Variants in PID1 observed in about 807,000 individuals in gnomAD.
PID1 encodes the protein PTB-containing, cubilin and LRP1-interacting protein.
Under a neutral mutation model 19.1 loss-of-function variants are expected in PID1, and 10 were observed. That is an observed-to-expected ratio of 0.52 (90% CI 0.32 to 0.89). The LOEUF (loss-of-function observed/expected upper bound fraction) is 0.89, where lower values mean the gene tolerates loss of function less well. Among genes scored for constraint, PID1 ranks in the 40% least tolerant of loss-of-function variants. PID1 has a pLI of 0.03. For synonymous variants in PID1, 130 were observed against 116.0 expected (o/e 1.12, Z -0.78); for missense variants, 248 against 285.3 (o/e 0.87, Z 0.94).
intron 1 of PID1, among the ~76,000 whole-genome samples, chr2:229,251,944 T>TAAAAAA (rs11284650): frequency 1.1e-3 from 80 of 71,346 alleles, no homozygotes; most frequent in African/African-American, 1.6e-3. Flanking sequence ...AACCATAAGC[T>TAAAAAA]AAAAAAAAAA....
intron 1 of PID1, among the ~76,000 whole-genome samples, chr2:229,188,641 A>G (rs1691185337): frequency 6.6e-6 from 1 of 152,028 alleles, no homozygotes; most frequent in East Asian, 1.9e-4. Flanking sequence ...TGGGAGGCTG[A>G]AGCAGGAGAA....
chr2:229,135,201 G>A (rs889922340), intron 2 of PID1, among the ~76,000 whole-genome samples: 3 of 152,040 alleles, frequency 2.0e-5, no homozygotes, highest in African/African-American at 7.2e-5. Flanking sequence ...CTTTTCTCTT[G>A]GGTTTTGCAT....
intron 2 of PID1, among the ~76,000 whole-genome samples, chr2:229,046,965 GGC>G (rs1186868765): frequency 6.6e-6 from 1 of 152,096 alleles, no homozygotes; most frequent in Non-Finnish European, 1.5e-5. Flanking sequence ...CAAATAATGT[GGC>G]AAGATCTCCT....
intron 1 of PID1, among the ~76,000 whole-genome samples, chr2:229,183,370 T>G (rs1441914079): frequency 1.3e-5 from 2 of 152,222 alleles, no homozygotes; most frequent in African/African-American, 4.8e-5. Context: ...GCCCTCATGA[T>G]AGTTAACTTA....
At chr2:229,204,645 C>T (rs1467968848) in intron 1 of PID1, among the ~76,000 whole-genome samples, 2 of 152,034 alleles carry the variant, frequency 1.3e-5, no homozygotes, top group Non-Finnish European at 2.9e-5. Flanking sequence ...GTCACACAGG[C>T]TTTGATCCTG....
At chr2:229,057,155 T>G (rs778624889) in intron 2 of PID1, among the ~76,000 whole-genome samples, 1 of 151,994 alleles carries the variant, frequency 6.6e-6, no homozygotes, top group Non-Finnish European at 1.5e-5. Flanking sequence ...AACAAACTAA[T>G]AGCCAGGCCT....
chr2:229,083,346 C>T (rs889294073), intron 2 of PID1, among the ~76,000 whole-genome samples: 2 of 152,136 alleles, frequency 1.3e-5, no homozygotes, highest in African/African-American at 4.8e-5. Flanking sequence ...AACTACTTGG[C>T]CGTGCTACAA....
chr2:229,210,327 AC>A (rs1691700909), intron 1 of PID1, among the ~76,000 whole-genome samples: 3 of 151,800 alleles, frequency 2.0e-5, no homozygotes, highest in Admixed American at 2.0e-4. Context: ...CGTGGCTAAC[AC>A]AGTGAAACCC....
Position 229,025,514 on chromosome 2 carries a change from A to G in PID1, c.*118T>C. On this transcript the variant is annotated 3_prime_UTR_variant, in exon 3 of 3. Transcript: ENST00000392055. Reference sequence around the variant, plus strand: ...TAGAATTGCTCTTCTGAATTTAAAAACCTTGGTCAGCCAATAGTTTGGCAG... The same window carrying G: ...TAGAATTGCTCTTCTGAATTTAAAAGCCTTGGTCAGCCAATAGTTTGGCAG... 1 of 737,384 alleles carries G rather than the reference A, an allele frequency of 1.4e-6. No homozygotes were observed. Among genetic ancestry groups the G allele is most frequent in the Non-Finnish European group, 2.3e-6 (1 of 425,832 alleles). 45.7% of individuals were successfully genotyped at this position (737,384 alleles called of 1,614,324 possible). A position where few individuals can be genotyped will look rare whatever the true frequency, so the allele number is the denominator to read the frequency against.
intron 1 of PID1, among the ~76,000 whole-genome samples, chr2:229,243,037 C>T (rs1156956638): frequency 6.6e-6 from 1 of 152,056 alleles, no homozygotes; most frequent in Non-Finnish European, 1.5e-5. Context: ...ATACCCAAGA[C>T]TGGGCAATGT....
intron 2 of PID1, among the ~76,000 whole-genome samples, chr2:229,122,522 G>T (rs931944298): frequency 6.6e-6 from 1 of 151,970 alleles, no homozygotes; most frequent in Non-Finnish European, 1.5e-5. Flanking sequence ...GCAAGTGTGT[G>T]TCCCCCTACA....
intron 1 of PID1, among the ~76,000 whole-genome samples, chr2:229,200,318 A>G (rs962751174): frequency 6.6e-6 from 1 of 152,074 alleles, no homozygotes; most frequent in Admixed American, 6.6e-5. Context: ...GAATGTATAC[A>G]GAGAATTGCT....
chr2:229,159,496 T>G (rs1316717564), intron 1 of PID1, among the ~76,000 whole-genome samples: 3 of 152,164 alleles, frequency 2.0e-5, no homozygotes, highest in Non-Finnish European at 4.4e-5. Flanking sequence ...AAGAAGAAAA[T>G]ATTCCTCCTA....
In PID1 at chr2:229,085,950, GA is replaced by G. The variant is rs560242940; in HGVS notation, c.178-59843del. On this transcript the variant is annotated intron_variant, in intron 2 of 2. Transcript: ENST00000392055. ...TTATAAAAAATTAAGATTATATTCA[GA>G]TTAACAACATTTAAAATAAGGCGAC... Among the ~76,000 whole-genome samples the G allele has an allele frequency of 2.4e-3, 370 of 152,140 alleles. 7 individuals are homozygous for G. The highest frequency in any genetic ancestry group is 0.021 in the Admixed American group (328 of 15,260).
In PID1 at chr2:229,024,828, A is replaced by T. The variant is rs1441947804; in HGVS notation, c.*804T>A. On this transcript the variant is annotated 3_prime_UTR_variant, in exon 3 of 3. Transcript: ENST00000392055. ...TTGTTTTAAACTCCTGGTTTGTTTG[A>T]CTGTTTATTTTATTTGCTTGATTGT... is the stretch of plus-strand genomic sequence containing the variant. 1 of 152,260 alleles carries T rather than the reference A, an allele frequency of 6.6e-6. No individual in the cohort carries two copies. The allele number at this position is 152,260 out of a possible 1,614,324, so 9.4% of individuals were successfully genotyped here. A position where few individuals can be genotyped will look rare whatever the true frequency, so the allele number is the denominator to read the frequency against.
intron 1 of PID1, among the ~76,000 whole-genome samples, chr2:229,266,354 G>A (rs1381744096): frequency 6.6e-6 from 1 of 151,918 alleles, no homozygotes; most frequent in East Asian, 1.9e-4. Context: ...TTGGATAAAT[G>A]CTATGTGCTT....
intron 2 of PID1, among the ~76,000 whole-genome samples, chr2:229,075,505 A>G (rs1192353070): frequency 6.6e-6 from 1 of 152,228 alleles, no homozygotes; most frequent in Non-Finnish European, 1.5e-5. Flanking sequence ...CCACAACTTT[A>G]TATGTTTGGA....
In PID1 at chr2:229,136,042, G is replaced by A. The variant is rs540144634; in HGVS notation, c.177+19776C>T. 7.8e-4 allele frequency among the ~76,000 whole-genome samples: 118 copies of A among 152,222 alleles called. 2 individuals are homozygous for A. In the South Asian group the frequency reaches 0.02, roughly 26 times the overall value. On this transcript the variant is annotated intron_variant, in intron 2 of 2. Transcript: ENST00000392055. ...TTCTAAGATGCCACTTCTAAGTTTA[G>A]GTTACAAAAAAACTCTGTTGTCTGT... is the stretch of plus-strand genomic sequence containing the variant.
At chr2:229,128,018 C>A (rs1031453768) in intron 2 of PID1, among the ~76,000 whole-genome samples, 1 of 152,156 alleles carries the variant, frequency 6.6e-6, no homozygotes, top group Non-Finnish European at 1.5e-5. Flanking sequence ...GAGCTACAAG[C>A]CCTTTGTGTG....
Sources: gnomAD v4.1 joint callset for allele counts (sites outside exome capture counted in the v4.1 genomes callset) on GRCh38, gnomAD v4.1.1 for gene constraint, MANE v1.5 for transcripts, NCBI Gene and HGNC (gene_info 2026-07-23, HGNC 2026-07-21) for gene names.